The following IQUB variants were observed in gnomAD, a reference collection of about 807,000 sequenced individuals.
IQUB encodes the protein IQ motif and ubiquitin-like domain-containing protein.
IQUB carries 86 observed loss-of-function variants against 86.4 expected under a neutral mutation model. That is an observed-to-expected ratio of 1.00 (90% confidence interval 0.84 to 1.19). IQUB has a LOEUF of 1.19. IQUB is among the 50% of genes most tolerant of loss of function. The pLI is 0.00. For missense variants in IQUB, 946 were observed against 916.9 expected (o/e 1.03, Z -0.41); for synonymous variants, 289 against 304.5 (o/e 0.95, Z 0.53).
chr7:123,470,489 C>T (rs1563435579), intron 8 of IQUB, among the ~76,000 whole-genome samples: 2 of 152,080 alleles, frequency 1.3e-5, no homozygotes, highest in Admixed American at 6.6e-5. Context: ...AATGGAAGCT[C>T]TATGTATTGG....
chr7:123,528,113 A>G (rs1210736093), intron 1 of IQUB, among the ~76,000 whole-genome samples: 5 of 152,212 alleles, frequency 3.3e-5, no homozygotes, highest in African/African-American at 9.6e-5. Context: ...TTTGACTAGG[A>G]AAGGGAACTC....
At chr7:123,500,737 C>A (rs557515004) in intron 6 of IQUB, among the ~76,000 whole-genome samples, 1 of 152,174 alleles carries the variant, frequency 6.6e-6, no homozygotes, top group Admixed American at 6.5e-5. Flanking sequence ...CTATTTGGTT[C>A]TTGATGCCAT....
At chr7:123,514,626 T>C (rs554629423) in intron 1 of IQUB, among the ~76,000 whole-genome samples, 3 of 152,312 alleles carry the variant, frequency 2.0e-5, no homozygotes, top group Admixed American at 1.3e-4. Flanking sequence ...GGAGTACAAG[T>C]ACAGTGCAGT....
chr7:123,478,330 C>A (rs1049483606), intron 8 of IQUB, among the ~76,000 whole-genome samples: 19 of 152,032 alleles, frequency 1.2e-4, no homozygotes, highest in Non-Finnish European at 4.4e-5. Context: ...GGACAAAAAA[C>A]CAAACACCAC....
chr7:123,456,012 A>T (rs893791406), intron 12 of IQUB, among the ~76,000 whole-genome samples: 3 of 152,108 alleles, frequency 2.0e-5, no homozygotes, highest in African/African-American at 7.2e-5. Flanking sequence ...GAAAATTCTG[A>T]AAATGCTCCA....
chr7:123,482,238 T>C (rs935587602), intron 7 of IQUB, among the ~76,000 whole-genome samples: 5 of 151,980 alleles, frequency 3.3e-5, no homozygotes, highest in Non-Finnish European at 7.4e-5. Flanking sequence ...TTTTATATTA[T>C]TTAAAAAATA....
chr7:123,503,019 C>T lies in IQUB; in HGVS notation c.792G>A (p.Glu264=). 3 of 1,613,118 alleles carry T rather than the reference C, an allele frequency of 1.9e-6. No homozygotes were observed. The highest frequency in any genetic ancestry group is 2.5e-6 in the Non-Finnish European group (3 of 1,179,406). The part of the protein sequence containing the change: ...GGFRHKVTGV[E]YHNAGTQTVP... ...CAGTTTGTGTTCCAGCATTGTGATA[C>T]TCTACTCCTGTTACTTTATGTCTGA... The change falls in exon 5 of 13, where the codon GAG becomes GAA. Residue 264 remains glutamate (E), a synonymous_variant. Coordinates refer to ENST00000324698, the MANE Select transcript of IQUB (RefSeq NM_178827.5).
At chr7:123,496,457 C>A (rs370099420) in intron 7 of IQUB, among the ~76,000 whole-genome samples, 16 of 152,090 alleles carry the variant, frequency 1.1e-4, no homozygotes, top group African/African-American at 3.9e-4. Context: ...ACTAAAACTG[C>A]ATAATTCACA....
intron 7 of IQUB, among the ~76,000 whole-genome samples, chr7:123,491,935 C>G (rs1485892028): frequency 2.0e-5 from 3 of 152,116 alleles, no homozygotes; most frequent in Non-Finnish European, 2.9e-5. Context: ...CAAATCAAGT[C>G]TGACAATACA....
intron 12 of IQUB, among the ~76,000 whole-genome samples, chr7:123,453,827 T>C (rs868505300): frequency 2.0e-5 from 3 of 152,316 alleles, no homozygotes; most frequent in African/African-American, 7.2e-5. Flanking sequence ...TTCATTAAAT[T>C]TTCTTGTTTC....
intron 6 of IQUB, among the ~76,000 whole-genome samples, chr7:123,498,079 A>T (rs1031526724): frequency 6.6e-6 from 1 of 152,076 alleles, no homozygotes; most frequent in African/African-American, 2.4e-5. Context: ...GGATGAAAAA[A>T]AAAAAGCCCC....
chr7:123,496,119 G>C lies in IQUB; in HGVS notation c.1234+577C>G, dbSNP rs114799563. Among the ~76,000 whole-genome samples the C allele has an allele frequency of 4.9e-3, 748 of 152,244 alleles. 6 individuals are homozygous for C. The highest frequency in any genetic ancestry group is 0.017 in the African/African-American group (692 of 41,564). ...AAACACCTCCAAGAAGGGGAATCGTGTATCTACTGCCTGGGTAAAGAGTGC... is the reference window on the plus strand; with the variant it reads ...AAACACCTCCAAGAAGGGGAATCGTCTATCTACTGCCTGGGTAAAGAGTGC... On this transcript the variant is annotated intron_variant, in intron 7 of 12. Transcript: ENST00000324698.
intron 1 of IQUB, chr7:123,532,281 T>C (rs1294051260): frequency 6.6e-6 from 1 of 152,160 alleles, no homozygotes; most frequent in Non-Finnish European, 1.5e-5. Flanking sequence ...TATTTAAATA[T>C]TAGGCGTTCA....
At chr7:123,453,325 TAAAAA>T (rs986435785) in intron 12 of IQUB, among the ~76,000 whole-genome samples, 6 of 143,646 alleles carry the variant, frequency 4.2e-5, no homozygotes, top group Admixed American at 7.1e-5. Context: ...AAAACAAAAA[TAAAAA>T]CAAAACAAAA....
At chr7:123,529,371 G>A (rs978475451) in intron 1 of IQUB, among the ~76,000 whole-genome samples, 5 of 151,226 alleles carry the variant, frequency 3.3e-5, no homozygotes, top group African/African-American at 1.2e-4. Context: ...TGTAAAATAC[G>A]ATTCTGCCGC....
chr7:123,491,196 A>T (rs1445920623), intron 7 of IQUB, among the ~76,000 whole-genome samples: 1 of 152,194 alleles, frequency 6.6e-6, no homozygotes. Flanking sequence ...ACATATCAAA[A>T]TGTGAGGATG....
At chr7:123,525,890 T>C (rs924691772) in intron 1 of IQUB, among the ~76,000 whole-genome samples, 21 of 147,436 alleles carry the variant, frequency 1.4e-4, no homozygotes, top group African/African-American at 4.7e-4. Flanking sequence ...CCAGAGATGC[T>C]GGTATGTTGT....
intron 7 of IQUB, among the ~76,000 whole-genome samples, chr7:123,493,839 T>C (rs973147030): frequency 3.5e-5 from 5 of 143,802 alleles, no homozygotes; most frequent in Non-Finnish European, 6.1e-5. Flanking sequence ...TGAATATATA[T>C]ACATATACAC....
intron 6 of IQUB, among the ~76,000 whole-genome samples, chr7:123,498,320 A>T (rs1451702437): frequency 6.6e-6 from 1 of 152,144 alleles, no homozygotes; most frequent in Non-Finnish European, 1.5e-5. Flanking sequence ...TGAGCCCTCC[A>T]GATGATGCTT....
Sources: allele counts gnomAD v4.1 joint callset (sites outside exome capture counted in the v4.1 genomes callset), GRCh38; gene constraint gnomAD v4.1.1; transcripts MANE v1.5; gene names NCBI Gene and HGNC (gene_info 2026-07-23, HGNC 2026-07-21).